Variants in LARGE1 observed in about 807,000 individuals in gnomAD.
LARGE1 encodes the protein xylosyl- and glucuronyltransferase LARGE1.
In LARGE1, 43 loss-of-function variants were observed where a neutral mutation model predicts 87.6. The ratio of observed to expected loss-of-function variants is 0.49; its 90% CI spans 0.38 to 0.63. The LOEUF is 0.63. Ranked by LOEUF, LARGE1 falls within the 30% of genes least tolerant of loss-of-function variation. The pLI, the probability that LARGE1 is intolerant of heterozygous loss-of-function variation, is 0.00. For synonymous variants in LARGE1, 434 were observed against 394.6 expected (o/e 1.10, Z -1.18); for missense variants, 802 against 1,000.2 (o/e 0.80, Z 2.67).
intron 6 of LARGE1, among the ~76,000 whole-genome samples, chr22:33,474,944 A>T (rs895280451): frequency 3.9e-5 from 6 of 152,166 alleles, no homozygotes; most frequent in Non-Finnish European, 8.8e-5. Context: ...CTGAAGTGAG[A>T]GGCCAGGAAC....
intron 2 of LARGE1, among the ~76,000 whole-genome samples, chr22:33,722,061 G>A (rs897802656): frequency 1.3e-5 from 2 of 152,070 alleles, no homozygotes; most frequent in African/African-American, 4.8e-5. Context: ...AGACCAGCCT[G>A]GCCAACATGG....
chr22:33,389,620 G>A (rs1055805859), intron 7 of LARGE1, among the ~76,000 whole-genome samples: 3 of 152,192 alleles, frequency 2.0e-5, no homozygotes, highest in Non-Finnish European at 2.9e-5. Flanking sequence ...TGAGGCTGGC[G>A]GATCACCTGA....
chr22:33,631,509 C>T (rs1426490235), intron 3 of LARGE1, among the ~76,000 whole-genome samples: 1 of 152,142 alleles, frequency 6.6e-6, no homozygotes, highest in East Asian at 1.9e-4. Context: ...ACACCTTAGC[C>T]TAGGCCTACA....
intron 11 of LARGE1, among the ~76,000 whole-genome samples, chr22:33,189,408 T>C (rs1014216990): frequency 1.3e-5 from 2 of 152,198 alleles, no homozygotes; most frequent in African/African-American, 4.8e-5. Flanking sequence ...TCCTCAGTTA[T>C]CTGATGGTGG....
chr22:33,273,841 G>A lies in LARGE1; in HGVS notation c.*586C>T. On this transcript the variant is annotated 3_prime_UTR_variant, in exon 15 of 15. Coordinates refer to ENST00000397394, the MANE Select transcript of LARGE1 (RefSeq NM_133642.5). The stretch of plus-strand genomic sequence containing the variant: ...CAAAACAAAACAGGAGTGACTTTGG[G>A]GATAAGGAAACCCATCAACCCCACC... The A allele has an allele frequency of 2.6e-6, 1 of 390,030 alleles. No homozygotes were observed. Among genetic ancestry groups the A allele is most frequent in the Non-Finnish European group, 4.5e-6 (1 of 221,402 alleles). The allele number at this position is 390,030 out of a possible 1,614,324, so 24.2% of individuals were successfully genotyped here.
chr22:33,639,651 G>A (rs1342340911), intron 3 of LARGE1, among the ~76,000 whole-genome samples: 3 of 152,186 alleles, frequency 2.0e-5, no homozygotes, highest in Non-Finnish European at 4.4e-5. Flanking sequence ...AAAGTCTCCT[G>A]TTCAGGAATT....
intron 11 of LARGE1, 133 bp downstream of exon 11, chr22:33,315,952 G>T: frequency 1.9e-6 from 2 of 1,043,028 alleles, no homozygotes; most frequent in Non-Finnish European, 2.9e-6. Flanking sequence ...CTAAGCCCAT[G>T]TGCCATCTCT....
intron 6 of LARGE1, among the ~76,000 whole-genome samples, chr22:33,472,407 G>A (rs2068882555): frequency 1.3e-5 from 2 of 152,090 alleles, no homozygotes; most frequent in African/African-American, 4.8e-5. Flanking sequence ...CTCTTTTTGA[G>A]TATTTCTTTC....
At chr22:33,440,631 G>A (rs1398585553) in intron 6 of LARGE1, among the ~76,000 whole-genome samples, 1 of 152,154 alleles carries the variant, frequency 6.6e-6, no homozygotes, top group Non-Finnish European at 1.5e-5. Context: ...TCTGTAAGTA[G>A]GAAAACATAT....
chr22:33,909,283 G>A (rs2146949838), intron 1 of LARGE1, among the ~76,000 whole-genome samples: 1 of 152,260 alleles, frequency 6.6e-6, no homozygotes, highest in South Asian at 2.1e-4. Context: ...AAGCCTCCCT[G>A]GGCTTCTGTC....
At chr22:33,670,215 G>C (rs1227336713) in intron 2 of LARGE1, among the ~76,000 whole-genome samples, 1 of 151,926 alleles carries the variant, frequency 6.6e-6, no homozygotes, top group Non-Finnish European at 1.5e-5. Context: ...TGTCACTACA[G>C]AGTCCCTTTC....
chr22:33,603,802 G>C (rs746506757), intron 5 of LARGE1, among the ~76,000 whole-genome samples: 1 of 152,166 alleles, frequency 6.6e-6, no homozygotes, highest in African/African-American at 2.4e-5. Flanking sequence ...GTCTCAACAC[G>C]ATGCAAGCAA....
chr22:33,574,925 G>A (rs1356790887), intron 5 of LARGE1, among the ~76,000 whole-genome samples: 1 of 152,074 alleles, frequency 6.6e-6, no homozygotes, highest in Non-Finnish European at 1.5e-5. Context: ...TAAGAGATGT[G>A]ATCTCATCTA....
chr22:33,869,364 T>C (rs552060231), intron 1 of LARGE1, among the ~76,000 whole-genome samples: 3 of 152,168 alleles, frequency 2.0e-5, no homozygotes, highest in Non-Finnish European at 2.9e-5. Context: ...TATCTAGACT[T>C]CTCTGTAGCA....
At chr22:33,145,416 G>A in the LARGE1 span, among the ~76,000 whole-genome samples, 24 of 152,076 alleles carry the variant, frequency 1.6e-4, no homozygotes, top group East Asian at 3.9e-4. Flanking sequence ...CACCACCCTC[G>A]TGTATACCAC....
At chr22:33,786,137 A>G (rs1244191909) in intron 1 of LARGE1, among the ~76,000 whole-genome samples, 1 of 152,220 alleles carries the variant, frequency 6.6e-6, no homozygotes, top group African/African-American at 2.4e-5. Context: ...TCTTTTGGGC[A>G]TAAGTAGGGC....
the LARGE1 span, among the ~76,000 whole-genome samples, chr22:33,123,402 A>C: frequency 6.6e-6 from 1 of 152,158 alleles, no homozygotes; most frequent in Non-Finnish European, 1.5e-5. Context: ...ATCAGATTTG[A>C]ATTTCCTCCA....
chr22:33,810,923 C>T (rs1305427127), intron 1 of LARGE1, among the ~76,000 whole-genome samples: 1 of 152,102 alleles, frequency 6.6e-6, no homozygotes, highest in Non-Finnish European at 1.5e-5. Context: ...GGGGTTTCAC[C>T]ATGTTGGCCA....
intron 6 of LARGE1, among the ~76,000 whole-genome samples, chr22:33,519,441 C>A (rs1293184275): frequency 6.6e-6 from 1 of 152,086 alleles, no homozygotes; most frequent in African/African-American, 2.4e-5. Flanking sequence ...TCATTTGCAC[C>A]AGAAGGGGGC....
Sources: gnomAD v4.1 joint callset for allele counts (sites outside exome capture counted in the v4.1 genomes callset) on GRCh38, gnomAD v4.1.1 for gene constraint, MANE v1.5 for transcripts, NCBI Gene and HGNC (gene_info 2026-07-23, HGNC 2026-07-21) for gene names.